Variants in GRIP2 observed in about 807,000 individuals in gnomAD.
The protein encoded by GRIP2 is glutamate receptor-interacting protein 2.
In GRIP2, 58 loss-of-function variants were observed where a neutral mutation model predicts 108.3. That is an observed-to-expected ratio of 0.54 (90% CI 0.43 to 0.67). GRIP2 has a LOEUF of 0.67. GRIP2 is among the 30% of genes least tolerant of loss of function. The pLI, the probability that GRIP2 is intolerant of heterozygous loss-of-function variation, is 0.00. For synonymous variants in GRIP2, 586 were observed against 598.2 expected (o/e 0.98, Z 0.30); for missense variants, 1,278 against 1,430.6 (o/e 0.89, Z 1.72).
chr3:14,588,857 C>G, the GRIP2 span, among the ~76,000 whole-genome samples: 1 of 152,334 alleles, frequency 6.6e-6, no homozygotes, highest in East Asian at 1.9e-4. Flanking sequence ...AAGCTTCTAG[C>G]TGGCTCCCAG....
the GRIP2 span, among the ~76,000 whole-genome samples, chr3:14,598,346 G>GAA: frequency 5.4e-4 from 56 of 103,658 alleles, no homozygotes; most frequent in East Asian, 0.01. Flanking sequence ...TACCACAGGG[G>GAA]GACACACACA....
At chr3:14,533,098 T>G (rs1300273810) in intron 1 of GRIP2, among the ~76,000 whole-genome samples, 2 of 152,198 alleles carry the variant, frequency 1.3e-5, no homozygotes, top group Non-Finnish European at 1.5e-5. Flanking sequence ...GCCTTCCACC[T>G]CCAGTTCACA....
the GRIP2 span, among the ~76,000 whole-genome samples, chr3:14,569,765 G>C: frequency 2.0e-5 from 3 of 152,096 alleles, no homozygotes; most frequent in Non-Finnish European, 4.4e-5. Flanking sequence ...TTTTCCTCCA[G>C]AGCCTCACAA....
At position 14,505,273 on chromosome 3, in the gene GRIP2, A is replaced by G. The variant is rs537301082; in HGVS notation, c.2573+342T>C. ...GTGCCGGTGGGCTGAGGGCCCTCGC[A>G]GGAGGCCATCAGGCCATCTGGGGTA... is the stretch of plus-strand genomic sequence containing the variant. On this transcript the variant is annotated intron_variant, in intron 20 of 23. Transcript: ENST00000621039. The surrounding 1 kb of genome is among the most constrained non-coding windows in gnomAD (Gnocchi z 4.2). Among the ~76,000 whole-genome samples, 517 of 152,236 alleles carry G rather than the reference A, an allele frequency of 3.4e-3. 1 individual carries two copies. Among genetic ancestry groups the G allele is most frequent in the Non-Finnish European group, 5.6e-3 (382 of 67,992 alleles).
chr3:14,529,234 G>A (rs551271016), intron 1 of GRIP2, among the ~76,000 whole-genome samples: 7 of 146,808 alleles, frequency 4.8e-5, no homozygotes, highest in Admixed American at 6.8e-5. Context: ...AGCCGAGACC[G>A]TGCCACTGCA....
At chr3:14,495,078 A>G (rs1317530121) in intron 22 of GRIP2, 89 bp from the exon 23 acceptor site, 3 of 1,526,196 alleles carry the variant, frequency 2.0e-6, no homozygotes, top group Non-Finnish European at 2.7e-6. Context: ...TCTGGCATTC[A>G]GCGCCTCTGG....
At chr3:14,519,210 G>A (rs1179335736) in intron 9 of GRIP2, among the ~76,000 whole-genome samples, 1 of 152,204 alleles carries the variant, frequency 6.6e-6, no homozygotes, top group African/African-American at 2.4e-5. Context: ...TTTTTCAGAA[G>A]CTGGCAGAGA....
In GRIP2 at chr3:14,507,485, C is replaced by T; in HGVS notation, c.2218+76G>A. On this transcript the variant is annotated intron_variant, in intron 18 of 23. Transcript: ENST00000621039. This position sits in a 1 kb window ranked among gnomAD's most constrained non-coding sequence, Gnocchi z 4.6. ...GCAGTGAGGACTCTGTGAGGGTGTG[C>T]AGGCAAAGCCTGGCACAGAGGGATT... is the stretch of plus-strand genomic sequence containing the variant. 6.4e-7 allele frequency: 1 copy of T among 1,554,974 alleles called. No homozygotes were observed. The highest frequency in any genetic ancestry group is 2.3e-5 in the East Asian group (1 of 44,174).
chr3:14,551,693 C>T (rs956194346), intron 1 of GRIP2, among the ~76,000 whole-genome samples: 1 of 152,080 alleles, frequency 6.6e-6, no homozygotes, highest in Non-Finnish European at 1.5e-5. Flanking sequence ...GGAATACAAC[C>T]GAGGGGTCCC....
At chr3:14,590,683 C>T in the GRIP2 span, among the ~76,000 whole-genome samples, 4,786 of 152,272 alleles carry the variant, frequency 0.031, 108 homozygotes, top group Middle Eastern at 0.051. Context: ...TGCTTGAAAA[C>T]CTTTCAACCG....
upstream of GRIP2, chr3:14,540,515 GC>G: frequency 1.7e-6 from 2 of 1,179,668 alleles, no homozygotes; most frequent in Non-Finnish European, 2.3e-6. This position sits in a 1 kb window ranked among gnomAD's most constrained non-coding sequence, Gnocchi z 4.1. Context: ...GGTCCAACAT[GC>G]CCCACCCCTG....
chr3:14,542,159 TTTA>T, upstream of GRIP2: 41 of 1,010,406 alleles, frequency 4.1e-5, no homozygotes, highest in Middle Eastern at 3.6e-4. Flanking sequence ...TTTTATTTTT[TTTA>T]TTTTTTTTTG....
chr3:14,600,521 G>A, the GRIP2 span, among the ~76,000 whole-genome samples: 6 of 152,320 alleles, frequency 3.9e-5, no homozygotes, highest in East Asian at 5.8e-4. Context: ...TATACAACGT[G>A]TAGGCAGATG....
At position 14,527,391 on chromosome 3, in the gene GRIP2, A is replaced by AGGAAAGGAAAGGAAG. The variant is rs72297166; in HGVS notation, c.41-1461_41-1460insCTTCCTTTCCTTTCC. 2.1e-5 allele frequency among the ~76,000 whole-genome samples: 3 copies of AGGAAAGGAAAGGAAG among 140,738 alleles called. No individual in the cohort carries two copies. In the South Asian group the frequency reaches 7.6e-4, roughly 35 times the overall value. The allele number at this position is 140,738 out of a possible 152,430, so 92.3% of individuals were successfully genotyped here. The stretch of plus-strand genomic sequence containing the variant: ...TTGAAAGGAAAGGAAAGGAAAGGAA[A>AGGAAAGGAAAGGAAG]GAAAGGAAAGGAAAGAAGGAAAGCG... On this transcript the variant is annotated intron_variant, in intron 1 of 23. Transcript: ENST00000621039.
rs145778213 is a variant in GRIP2 at position 14,540,007 on chromosome 3, C to T, written c.40+262G>A. ...TCCCCCTACAAGGCTGAGCACTGCC[C>T]TCGGAACCTCCAGACCCGCCTGTTC... On this transcript the variant is annotated intron_variant, in intron 1 of 23. Coordinates refer to ENST00000621039, the MANE Select transcript of GRIP2 (RefSeq NM_001080423.4). The surrounding 1 kb of genome is among the most constrained non-coding windows in gnomAD (Gnocchi z 4.1). 1.5e-4 allele frequency among the ~76,000 whole-genome samples: 23 copies of T among 152,262 alleles called. No individual in the cohort carries two copies. Among genetic ancestry groups the T allele is most frequent in the Non-Finnish European group, 3.2e-4 (22 of 67,994 alleles).
At chr3:14,588,008 C>T in the GRIP2 span, among the ~76,000 whole-genome samples, 12 of 152,282 alleles carry the variant, frequency 7.9e-5, no homozygotes, top group Middle Eastern at 6.8e-3. Flanking sequence ...ATACAACATA[C>T]CCAAAAAGAG....
Position 14,522,966 on chromosome 3 carries a change from G to A in GRIP2, c.566+34C>T, listed in dbSNP as rs752460042. On this transcript the variant is annotated intron_variant, in intron 6 of 23. Transcript: ENST00000621039. This position sits in a 1 kb window ranked among gnomAD's most constrained non-coding sequence, Gnocchi z 4.3. The stretch of plus-strand genomic sequence containing the variant: ...TTCGCAGGGGAGTTGGGGCAGGTCA[G>A]TGCAGTGTGTGGATTTCTTCTGCCT... 14 of 1,585,674 alleles carry A rather than the reference G, an allele frequency of 8.8e-6. No individual in the cohort carries two copies. Among genetic ancestry groups the A allele is most frequent in the Non-Finnish European group, 1.2e-5 (14 of 1,154,324 alleles).
the GRIP2 span, among the ~76,000 whole-genome samples, chr3:14,579,953 T>C: frequency 6.6e-6 from 1 of 152,208 alleles, no homozygotes; most frequent in African/African-American, 2.4e-5. Context: ...GGTGGGGTGA[T>C]GGGGTGAGGC....
intron 9 of GRIP2, among the ~76,000 whole-genome samples, chr3:14,518,604 C>A (rs546879343): frequency 6.6e-6 from 1 of 152,306 alleles, no homozygotes; most frequent in African/African-American, 2.4e-5. Context: ...GGCCACCATA[C>A]AACACCTCTT....
Sources: gnomAD v4.1 joint callset for allele counts (sites outside exome capture counted in the v4.1 genomes callset) on GRCh38, gnomAD v4.1.1 for gene constraint, Gnocchi (gnomAD v3.1) non-coding constraint, MANE v1.5 for transcripts, NCBI Gene and HGNC (gene_info 2026-07-23, HGNC 2026-07-21) for gene names.